The following MYO7A variants were observed in gnomAD, a reference collection of about 807,000 sequenced individuals.
The protein encoded by MYO7A is unconventional myosin-VIIa.
A neutral mutation model predicts 263.8 loss-of-function variants in MYO7A; 210 were observed. The ratio of observed to expected loss-of-function variants is 0.80; its 90% CI spans 0.71 to 0.89. The LOEUF is 0.89. Among genes scored for constraint, MYO7A ranks in the 40% least tolerant of loss-of-function variants. The pLI is 0.00. For synonymous variants in MYO7A, 1,239 were observed against 1,197.3 expected (o/e 1.03, Z -0.72); for missense variants, 2,820 against 2,968.3 (o/e 0.95, Z 1.16).
In MYO7A at chr11:77,214,673, C is replaced by T. The variant is rs771103993; in HGVS notation, c.6625C>T (p.Arg2209Trp). The T allele has an allele frequency of 1.9e-5, 30 of 1,583,760 alleles. No homozygotes were observed. Among genetic ancestry groups the T allele is most frequent in the African/African-American group, 8.1e-5 (6 of 74,290 alleles). The change falls in exon 49 of 49, where the codon CGG (arginine) becomes TGG (tryptophan). Residue 2209 changes from arginine (R) to tryptophan (W), a missense_variant. Physicochemically the swap from Arg to Trp is moderately radical, Grantham distance 101. Coordinates refer to ENST00000409709, the MANE Select transcript of MYO7A (RefSeq NM_000260.4). ...GATGCTCACAGCCATGAGCAAACAG[C>T]GGGGCTCCAGGAGCGGCAAGTGAAC... ...SQMLTAMSKQ[R>W]GSRSGK
intron 3 of MYO7A, among the ~76,000 whole-genome samples, chr11:77,147,336 T>G (rs1555054222): frequency 6.6e-6 from 1 of 151,942 alleles, no homozygotes. Flanking sequence ...GCTCCCCCCA[T>G]GACTCTCCAC....
At position 77,211,378 on chromosome 11, in the gene MYO7A, T is replaced by C. The variant is rs779666897; in HGVS notation, c.6237+41T>C. The C allele has an allele frequency of 1.6e-5, 25 of 1,541,918 alleles. No individual in the cohort carries two copies. The South Asian group carries it at 2.4e-4, about 15-fold the overall frequency. ...GCATCGGGAATGGTGGGGCCCTGAA[T>C]GGGCCTCGGGGCACCCCAGGGGCCA... On this transcript the variant is annotated intron_variant, in intron 45 of 48. Transcript: ENST00000409709.
intron 19 of MYO7A, among the ~76,000 whole-genome samples, chr11:77,178,162 T>G (rs12808664): frequency 2.1e-5 from 3 of 143,002 alleles, no homozygotes; most frequent in African/African-American, 8.1e-5. Flanking sequence ...CCCACCTACC[T>G]ATCCATCCGT....
At chr11:77,192,303 A>G (rs1956153904) in intron 31 of MYO7A, 25 bp downstream of exon 31, 1 of 1,609,614 alleles carries the variant, frequency 6.2e-7, no homozygotes, top group Non-Finnish European at 8.5e-7. Flanking sequence ...ATCTTCCGCC[A>G]GGCTGGCTTG....
chr11:77,149,626 C>T (rs1029109595), intron 4 of MYO7A, among the ~76,000 whole-genome samples: 2 of 152,274 alleles, frequency 1.3e-5, no homozygotes, highest in Non-Finnish European at 2.9e-5. Flanking sequence ...AATTACGGCC[C>T]TTCAGCTGCC....
intron 3 of MYO7A, among the ~76,000 whole-genome samples, chr11:77,144,310 T>C (rs1209626625): frequency 1.3e-5 from 2 of 152,154 alleles, no homozygotes; most frequent in Admixed American, 6.5e-5. Flanking sequence ...GGTGGCAGCA[T>C]AGACGGGCCT....
chr11:77,161,703 A>G (rs140227300), intron 12 of MYO7A, among the ~76,000 whole-genome samples: 134 of 152,218 alleles, frequency 8.8e-4, no homozygotes, highest in Middle Eastern at 6.8e-3. Context: ...TCTGTTTCCC[A>G]AGTCTTGTCA....
intron 37 of MYO7A, among the ~76,000 whole-genome samples, chr11:77,202,753 G>A (rs1295727042): frequency 2.0e-5 from 3 of 152,090 alleles, no homozygotes; most frequent in African/African-American, 7.2e-5. Context: ...GGGGGTGGGG[G>A]GCAGTGAGAA....
intron 31 of MYO7A, chr11:77,193,985 G>A (rs1012199031): frequency 1.0e-5 from 5 of 485,152 alleles, no homozygotes; most frequent in Non-Finnish European, 2.0e-5. Context: ...CTCCAGGGCA[G>A]ACACTTCCTC....
At chr11:77,164,488 G>C (rs782146365) in intron 14 of MYO7A, among the ~76,000 whole-genome samples, 4 of 152,142 alleles carry the variant, frequency 2.6e-5, no homozygotes, top group Non-Finnish European at 5.9e-5. Context: ...TGCTGAACTG[G>C]TCCAGAAGTC....
At chr11:77,189,988 A>G in intron 28 of MYO7A, 32 bp from the exon 29 acceptor site, 1 of 1,494,068 alleles carries the variant, frequency 6.7e-7, no homozygotes, top group Non-Finnish European at 9.0e-7. Flanking sequence ...GGGGAGCCCC[A>G]GGGGCCGCCT....
chr11:77,142,134 C>T (rs1010951315), intron 2 of MYO7A, among the ~76,000 whole-genome samples: 7 of 152,210 alleles, frequency 4.6e-5, no homozygotes, highest in Non-Finnish European at 7.3e-5. Flanking sequence ...GGCCAGATGC[C>T]GCAGGGGACA....
chr11:77,208,739 A>T lies in MYO7A; in HGVS notation c.5987A>T (p.Lys1996Met), dbSNP rs1334056477. 6.3e-7 allele frequency: 1 copy of T among 1,588,068 alleles called. No homozygotes were observed. The highest frequency in any genetic ancestry group is 1.3e-5 in the African/African-American group (1 of 74,422). The change falls in exon 44 of 49, where the codon AAG becomes ATG. Residue 1996 changes from lysine to methionine, a missense_variant. By Grantham distance (95) the Lys-to-Met change is moderately conservative (BLOSUM62 -1). Transcript: ENST00000409709. ...ACCTACCAGGTGTTCTTCATGAAGA[A>T]GCTGTGGACCACCACGGTGCCAGGG... ...SLTYQVFFMK[K>M]LWTTTVPGKD...
At chr11:77,190,973 C>A in intron 30 of MYO7A, 103 bp downstream of exon 30, 1 of 1,309,892 alleles carries the variant, frequency 7.6e-7, no homozygotes, top group Non-Finnish European at 1.0e-6. Context: ...CACCCTTGAG[C>A]ACCTCGGTTT....
intron 41 of MYO7A, chr11:77,206,985 C>A: frequency 3.9e-6 from 1 of 257,306 alleles, no homozygotes; most frequent in Non-Finnish European, 7.4e-6. Flanking sequence ...TCCTTCTAAT[C>A]ACCCTTCCAG....
intron 33 of MYO7A, 149 bp downstream of exon 33, chr11:77,197,747 C>T: frequency 1.7e-6 from 1 of 591,518 alleles, no homozygotes; most frequent in South Asian, 1.9e-5. Context: ...AGGTACCCCA[C>T]AGCCTGCAAT....
rs186341268 is a variant in MYO7A, at chr11:77,180,362, C to A, written c.2587-12C>A. On this transcript the variant is annotated splice_polypyrimidine_tract_variant and intron_variant, in intron 21 of 48. Coordinates refer to ENST00000409709, the MANE Select transcript of MYO7A (RefSeq NM_000260.4). ...CACATTTCCATGCCCTCTGGATGCC[C>A]CCTTCCCTCAGTATCTGTGGCGCCT... is the stretch of plus-strand genomic sequence containing the variant. 6.2e-7 allele frequency: 1 copy of A among 1,609,852 alleles called. No individual in the cohort carries two copies. The highest frequency in any genetic ancestry group is 8.5e-7 in the Non-Finnish European group (1 of 1,178,194).
chr11:77,190,784 G>A lies in MYO7A; in HGVS notation c.3838G>A (p.Ala1280Thr), dbSNP rs1259063378. ...KTLLTDSATT[A>T]KELCNALADK... ...CCTGCTGACGGACTCGGCAACCACGGCCAAGGAGCTCTGCAACGCGCTGGC... is the reference window on the plus strand; with the variant it reads ...CCTGCTGACGGACTCGGCAACCACGACCAAGGAGCTCTGCAACGCGCTGGC... Residue 1280 changes from alanine to threonine, a missense_variant, in exon 30 of 49, where the codon GCC becomes ACC. Coordinates refer to ENST00000409709, the MANE Select transcript of MYO7A (RefSeq NM_000260.4). 1.9e-6 allele frequency: 3 copies of A among 1,596,522 alleles called. No homozygotes were observed. In the African/African-American group the frequency reaches 4.0e-5, roughly 21 times the overall value.
intron 2 of MYO7A, among the ~76,000 whole-genome samples, chr11:77,139,730 G>T: frequency 6.6e-6 from 1 of 152,150 alleles, no homozygotes; most frequent in Admixed American, 6.5e-5. Context: ...GATCCACCCT[G>T]ATTTTGGTCC....
Sources: allele counts gnomAD v4.1 joint callset (sites outside exome capture counted in the v4.1 genomes callset), GRCh38; gene constraint gnomAD v4.1.1; transcripts MANE v1.5; gene names NCBI Gene and HGNC (gene_info 2026-07-23, HGNC 2026-07-21).